Variants in ZNF772 observed in about 807,000 individuals in gnomAD.
ZNF772 encodes the protein zinc finger protein 772.
Under a neutral mutation model 11.0 loss-of-function variants are expected in ZNF772, and 8 were observed. The observed-to-expected ratio is 0.73, with a 90% CI of 0.43 to 1.31. ZNF772 has a LOEUF of 1.31. Ranked by LOEUF, ZNF772 falls within the 50% of genes most tolerant of loss-of-function variation. The probability of loss-of-function intolerance (pLI) is 0.01; values close to 1 mark genes in which losing one functional copy is unlikely to be tolerated. For synonymous variants in ZNF772, 155 were observed against 180.4 expected (o/e 0.86, Z 1.13); for missense variants, 496 against 552.3 (o/e 0.90, Z 1.02).
chr19:57,476,648 C>T lies in ZNF772; in HGVS notation c.58G>A (p.Val20Met). 6.2e-7 allele frequency: 1 copy of T among 1,608,088 alleles called. No homozygotes were observed. Among genetic ancestry groups the T allele is most frequent in the Non-Finnish European group, 8.5e-7 (1 of 1,177,174 alleles). ...AQVPMNSEVI[V>M]DPIQGQVNFE... is the part of the protein sequence containing the mutation. The stretch of plus-strand genomic sequence containing the variant: ...TCTCCCCTCACCTGTATAGGGTCCA[C>T]AATTACTTCTGAGTTCATGGGAACC... Residue 20 changes from valine to methionine, a missense_variant, in exon 2 of 4, where the codon GTG (valine) becomes ATG (methionine). Val to Met is a conservative substitution (Grantham distance 21, BLOSUM62 1). Coordinates refer to ENST00000356584, the MANE Select transcript of ZNF772 (RefSeq NM_001144068.2).
At position 57,473,526 on chromosome 19, in the gene ZNF772, A is replaced by G. The variant is rs2089241519; in HGVS notation, c.1095T>C (p.Tyr365=). Residue 365 remains tyrosine, a synonymous_variant, in exon 4 of 4, where the codon TAT becomes TAC. Coordinates refer to ENST00000356584, the MANE Select transcript of ZNF772 (RefSeq NM_001144068.2). Reference sequence around the variant, plus strand: ...AGAACTTCCCACATGCGATGCACTCATAAGGCCTTGCTCCAGTATGAACAC... The same window carrying G: ...AGAACTTCCCACATGCGATGCACTCGTAAGGCCTTGCTCCAGTATGAACAC... ...HWSVHTGARP[Y]ECIACGKFFS... 1.9e-6 allele frequency: 3 copies of G among 1,613,980 alleles called. No homozygotes were observed. The highest frequency in any genetic ancestry group is 2.2e-5 in the East Asian group (1 of 44,876).
In ZNF772 at chr19:57,473,651, G is replaced by C; in HGVS notation, c.970C>G (p.Leu324Val). The change falls in exon 4 of 4, where the codon CTT (leucine) becomes GTT (valine). Residue 324 changes from leucine to valine, a missense_variant. By Grantham distance (32) the Leu-to-Val change is conservative. Coordinates refer to ENST00000356584, the MANE Select transcript of ZNF772 (RefSeq NM_001144068.2). ...GTATGGATACTCTCATGCTGAACAA[G>C]TGTAGATTTGTGACTATAGGCTTTC... ...CGKAYSHKSTLVQHESIHTGE... is the reference protein window; with the variant it reads ...CGKAYSHKSTVVQHESIHTGE... The C allele has an allele frequency of 1.2e-6, 2 of 1,614,144 alleles. No individual in the cohort carries two copies. The highest frequency in any genetic ancestry group is 1.7e-6 in the Non-Finnish European group (2 of 1,180,006).
In ZNF772 at chr19:57,475,581, G is replaced by A. The variant is rs771641968; in HGVS notation, c.199+79C>T. The A allele has an allele frequency of 3.8e-6, 6 of 1,599,640 alleles. No individual in the cohort carries two copies. The highest frequency in any genetic ancestry group is 5.1e-6 in the Non-Finnish European group (6 of 1,168,192). ...AGACAGTGTCCACGGCTCTGATGTA[G>A]GAAGGACAAAGATGCCCTGAAAAAA... On this transcript the variant is annotated intron_variant, in intron 3 of 3. Transcript: ENST00000356584. The surrounding 1 kb of genome is among the most constrained non-coding windows in gnomAD (Gnocchi z 4.2).
rs2089297090 is a variant in ZNF772 at position 57,477,375 on chromosome 19, A to G, written c.-66T>C. 4 of 1,589,672 alleles carry G rather than the reference A, an allele frequency of 2.5e-6. No individual in the cohort carries two copies. The highest frequency in any genetic ancestry group is 3.4e-6 in the Non-Finnish European group (4 of 1,163,252). Reference sequence around the variant, plus strand: ...ACCTGGGATCAGCTGTCCAGGGCCCAGCCCAGCGGCTAGGTCACTCAGGCA... The same window carrying G: ...ACCTGGGATCAGCTGTCCAGGGCCCGGCCCAGCGGCTAGGTCACTCAGGCA... On this transcript the variant is annotated 5_prime_UTR_variant, in exon 1 of 4. Transcript: ENST00000356584.
In ZNF772 at chr19:57,477,525, A is replaced by C; in HGVS notation, c.-216T>G. The C allele has an allele frequency of 1.9e-6, 1 of 520,746 alleles. No individual in the cohort carries two copies. Among genetic ancestry groups the C allele is most frequent in the Non-Finnish European group, 3.4e-6 (1 of 290,808 alleles). 32.3% of individuals were successfully genotyped at this position (520,746 alleles called of 1,614,324 possible). A position where few individuals can be genotyped will look rare whatever the true frequency, so the allele number is the denominator to read the frequency against. On this transcript the variant is annotated 5_prime_UTR_variant, in exon 1 of 4. Transcript: ENST00000356584. ...AAACTAAACCAGTGGATTAATGGAAAAGCAAACAAAATGTCCACCCGAGGA... is the reference window on the plus strand; with the variant it reads ...AAACTAAACCAGTGGATTAATGGAACAGCAAACAAAATGTCCACCCGAGGA...
chr19:57,477,292 C>A lies in ZNF772; in HGVS notation c.18G>T (p.Pro6=), dbSNP rs775866183. The A allele has an allele frequency of 1.2e-5, 19 of 1,597,216 alleles. No individual in the cohort carries two copies. Among genetic ancestry groups the A allele is most frequent in the Non-Finnish European group, 1.5e-5 (18 of 1,174,818 alleles). The part of the protein sequence containing the change: MAAAE[P]MGPAQVPMNS... ...CAGCACCCACCTGTGCCGGGCCCAT[C>A]GGCTCAGCCGCCGCCATCAGGCCTG... is the stretch of plus-strand genomic sequence containing the variant. Residue 6 remains proline, a synonymous_variant, in exon 1 of 4, where the codon CCG becomes CCT. Coordinates refer to ENST00000356584, the MANE Select transcript of ZNF772 (RefSeq NM_001144068.2).
intron 2 of ZNF772, among the ~76,000 whole-genome samples, chr19:57,476,053 T>C (rs1312108347): frequency 6.6e-6 from 1 of 152,124 alleles, no homozygotes; most frequent in Non-Finnish European, 1.5e-5. Context: ...TGTAAGCAAA[T>C]TCCTCTGGGG....
At position 57,472,543 on chromosome 19, in the gene ZNF772, C is replaced by A. The variant is rs10405925; in HGVS notation, c.*731G>T. 122,339 of 189,888 alleles carry A rather than the reference C, an allele frequency of 0.64. 39,464 individuals are homozygous for A. The highest frequency in any genetic ancestry group is 0.73 in the East Asian group (4,655 of 6,396). 11.8% of individuals were successfully genotyped at this position (189,888 alleles called of 1,614,324 possible). ...GTCAAGTAAGTTAGCTTGACACTAGCATAAGAGCTAGTCTTTGCCATCCTA... is the reference window on the plus strand; with the variant it reads ...GTCAAGTAAGTTAGCTTGACACTAGAATAAGAGCTAGTCTTTGCCATCCTA... On this transcript the variant is annotated 3_prime_UTR_variant, in exon 4 of 4. Transcript: ENST00000356584.
chr19:57,476,079 T>G (rs2089280684), intron 2 of ZNF772, among the ~76,000 whole-genome samples: 1 of 152,168 alleles, frequency 6.6e-6, no homozygotes, highest in Admixed American at 6.5e-5. Context: ...AACATCATGC[T>G]TACCAGACAA....
chr19:57,476,440 A>G (rs774502839), intron 2 of ZNF772, 194 bp downstream of exon 2: 11 of 641,164 alleles, frequency 1.7e-5, no homozygotes, highest in African/African-American at 1.5e-4. Context: ...CCTTATTCCA[A>G]TGGTTGGCAG....
chr19:57,474,722 C>T (rs1224389238), intron 3 of ZNF772, among the ~76,000 whole-genome samples: 1 of 152,196 alleles, frequency 6.6e-6, no homozygotes, highest in Non-Finnish European at 1.5e-5. Context: ...GAGAGTTGTG[C>T]AGAAGGTTAT....
In ZNF772 at chr19:57,473,456, C is replaced by T. The variant is rs1355014537; in HGVS notation, c.1165G>A (p.Gly389Ser). 20 of 1,614,008 alleles carry T rather than the reference C, an allele frequency of 1.2e-5. No individual in the cohort carries two copies. Among genetic ancestry groups the T allele is most frequent in the Non-Finnish European group, 1.7e-5 (20 of 1,180,030 alleles). Reference sequence around the variant, plus strand: ...TCACTGCACACATAAGGCTTTTCACCATTATGAACTCTTTGATGTGCAATA... The same window carrying T: ...TCACTGCACACATAAGGCTTTTCACTATTATGAACTCTTTGATGTGCAATA... ...DLIAHQRVHN[G>S]EKPYVCSECG... Residue 389 changes from glycine (G) to serine (S), a missense_variant, in exon 4 of 4, where the codon GGT becomes AGT. Coordinates refer to ENST00000356584, the MANE Select transcript of ZNF772 (RefSeq NM_001144068.2).
In ZNF772 at chr19:57,477,263, G is replaced by A. The variant is rs2089294976; in HGVS notation, c.33+14C>T. Reference sequence around the variant, plus strand: ...ATGGGGGTCAGCGCGCAGACTCGCAGACGCAGCACCCACCTGTGCCGGGCC... The same window carrying A: ...ATGGGGGTCAGCGCGCAGACTCGCAAACGCAGCACCCACCTGTGCCGGGCC... On this transcript the variant is annotated intron_variant, in intron 1 of 3. Coordinates refer to ENST00000356584, the MANE Select transcript of ZNF772 (RefSeq NM_001144068.2). 1 of 1,613,268 alleles carries A rather than the reference G, an allele frequency of 6.2e-7. No individual in the cohort carries two copies. Among genetic ancestry groups the A allele is most frequent in the Non-Finnish European group, 8.5e-7 (1 of 1,179,762 alleles).
chr19:57,473,334 G>C lies in ZNF772; in HGVS notation c.1287C>G (p.Ala429=), dbSNP rs763520574. ...GGATGAGGGAAGCCCTCTGCCTGAA[G>C]GCCTTCCCACATTCACTGCACTTAT... is the stretch of plus-strand genomic sequence containing the variant. ...RPYKCSECGK[A]FRQRASLIRH... The change falls in exon 4 of 4, where the codon GCC becomes GCG. Residue 429 remains alanine, a synonymous_variant. Transcript: ENST00000356584. 6 of 1,614,120 alleles carry C rather than the reference G, an allele frequency of 3.7e-6. No homozygotes were observed. The highest frequency in any genetic ancestry group is 4.2e-6 in the Non-Finnish European group (5 of 1,179,976).
At chr19:57,476,286 G>C (rs1264929149) in intron 2 of ZNF772, 10 of 356,972 alleles carry the variant, frequency 2.8e-5, no homozygotes. Flanking sequence ...TCATCTTTAA[G>C]CCATTTCAGG....
chr19:57,474,136 T>C lies in ZNF772; in HGVS notation c.485A>G (p.Asp162Gly). ...GTTCAGAAGAAAGGGCCTGCTCTTA[T>C]CACTTCTAAAGGGTTTCTCTCCACT... ...QHSGEKPFRS[D>G]KSRPFLLNNC... Residue 162 changes from aspartate to glycine, a missense_variant, in exon 4 of 4, where the codon GAT (aspartate) becomes GGT (glycine). Transcript: ENST00000356584. 2 of 1,614,246 alleles carry C rather than the reference T, an allele frequency of 1.2e-6. No homozygotes were observed. The highest frequency in any genetic ancestry group is 1.7e-6 in the Non-Finnish European group (2 of 1,180,046).
intron 2 of ZNF772, 42 bp downstream of exon 2, chr19:57,476,592 G>C (rs2089286937): frequency 6.2e-7 from 1 of 1,604,782 alleles, no homozygotes; most frequent in Admixed American, 1.7e-5. Context: ...AGCGTATTGG[G>C]TGGGGGTGGG....
In ZNF772 at chr19:57,475,113, G is replaced by A. The variant is rs999989615; in HGVS notation, c.199+547C>T. 1 of 1,614,208 alleles carries A rather than the reference G, an allele frequency of 6.2e-7. No individual in the cohort carries two copies. Among genetic ancestry groups the A allele is most frequent in the Non-Finnish European group, 8.5e-7 (1 of 1,180,042 alleles). ...CCAGGGCTCACTACCCATCACCAGT[G>A]AGGCAACTATGTGGGACATGAAAGA... On this transcript the variant is annotated intron_variant, in intron 3 of 3. Transcript: ENST00000356584. The surrounding 1 kb of genome is among the most constrained non-coding windows in gnomAD (Gnocchi z 4.2).
intron 2 of ZNF772, chr19:57,476,414 TG>T: frequency 1.7e-6 from 1 of 583,430 alleles, no homozygotes; most frequent in Non-Finnish European, 3.1e-6. Context: ...TTCCTGTGCC[TG>T]GAACAACCTT....
Sources: gnomAD v4.1 joint callset for allele counts (sites outside exome capture counted in the v4.1 genomes callset) on GRCh38, gnomAD v4.1.1 for gene constraint, Gnocchi (gnomAD v3.1) non-coding constraint, MANE v1.5 for transcripts, NCBI Gene and HGNC (gene_info 2026-07-23, HGNC 2026-07-21) for gene names.